Variants in SH3GL3 observed in about 807,000 individuals in gnomAD.
SH3GL3 encodes endophilin-A3.
Under a neutral mutation model 47.7 loss-of-function variants are expected in SH3GL3, and 33 were observed. The observed-to-expected ratio is 0.69, with a 90% confidence interval of 0.52 to 0.92. SH3GL3 has a LOEUF of 0.92. Among genes scored for constraint, SH3GL3 ranks in the 40% least tolerant of loss-of-function variants. The probability of loss-of-function intolerance (pLI) is 0.00; values close to 1 mark genes in which losing one functional copy is unlikely to be tolerated. For synonymous variants in SH3GL3, 155 were observed against 148.8 expected (o/e 1.04, Z -0.30); for missense variants, 363 against 417.8 (o/e 0.87, Z 1.14).
rs967294439 is a variant in SH3GL3 at position 83,457,959 on chromosome 15, A to G, written c.45+10381A>G. Among the ~76,000 whole-genome samples the G allele has an allele frequency of 2.6e-5, 4 of 152,098 alleles. No homozygotes were observed. In the East Asian group the frequency reaches 7.7e-4, roughly 29 times the overall value. On this transcript the variant is annotated intron_variant, in intron 1 of 8. Coordinates refer to ENST00000427482, the MANE Select transcript of SH3GL3 (RefSeq NM_003027.5). ...TTTGAAAGCAGGGATTTTTTTCCCTATTGCTTTAGTTTAATTTTTCAGCTT... is the reference window on the plus strand; with the variant it reads ...TTTGAAAGCAGGGATTTTTTTCCCTGTTGCTTTAGTTTAATTTTTCAGCTT...
intron 1 of SH3GL3, among the ~76,000 whole-genome samples, chr15:83,511,207 T>C (rs2042731630): frequency 6.6e-6 from 1 of 151,912 alleles, no homozygotes; most frequent in Non-Finnish European, 1.5e-5. Flanking sequence ...CTGTAGGTCC[T>C]GGGACCCCCA....
intron 1 of SH3GL3, among the ~76,000 whole-genome samples, chr15:83,490,052 G>A (rs915073106): frequency 4.6e-5 from 7 of 152,156 alleles, no homozygotes; most frequent in Non-Finnish European, 7.3e-5. Context: ...GAATCACATC[G>A]TTGGTGACAG....
chr15:83,537,371 T>C (rs1053693301), intron 1 of SH3GL3, among the ~76,000 whole-genome samples: 1 of 152,102 alleles, frequency 6.6e-6, no homozygotes, highest in Non-Finnish European at 1.5e-5. Context: ...TAATGGCTAA[T>C]ATTTAATGAG....
At chr15:83,574,557 T>C (rs1377625010) in intron 5 of SH3GL3, among the ~76,000 whole-genome samples, 1 of 152,118 alleles carries the variant, frequency 6.6e-6, no homozygotes, top group East Asian at 1.9e-4. Context: ...TGACCCCTGG[T>C]GTCACATCTC....
chr15:83,542,453 G>A (rs2044211320), intron 1 of SH3GL3, among the ~76,000 whole-genome samples: 1 of 152,064 alleles, frequency 6.6e-6, no homozygotes. Flanking sequence ...TGGCTATTCT[G>A]GGTCTTTTGT....
intron 1 of SH3GL3, among the ~76,000 whole-genome samples, chr15:83,517,205 C>CTTT (rs36096315): frequency 2.7e-5 from 3 of 109,688 alleles, no homozygotes; most frequent in Non-Finnish European, 3.8e-5. Flanking sequence ...CTTTTCTTTT[C>CTTT]TTTTTTTTTT....
intron 1 of SH3GL3, among the ~76,000 whole-genome samples, chr15:83,474,666 T>C (rs2041012022): frequency 6.6e-6 from 1 of 152,184 alleles, no homozygotes; most frequent in Admixed American, 6.5e-5. Context: ...ATGGTCTCTG[T>C]AGAGATAACT....
At position 83,618,308 on chromosome 15, in the gene SH3GL3, A is replaced by G. The variant is rs2060882908; in HGVS notation, c.*21A>G. ...AGTAAATGTGTAACACAAACTCTGG[A>G]CATACTTTCGTAACTGAAATGAATT... is the stretch of plus-strand genomic sequence containing the variant. On this transcript the variant is annotated 3_prime_UTR_variant, in exon 9 of 9. Coordinates refer to ENST00000427482, the MANE Select transcript of SH3GL3 (RefSeq NM_003027.5). 6.8e-7 allele frequency: 1 copy of G among 1,475,794 alleles called. No homozygotes were observed. The highest frequency in any genetic ancestry group is 9.5e-7 in the Non-Finnish European group (1 of 1,054,040). 91.4% of individuals were successfully genotyped at this position (1,475,794 alleles called of 1,614,324 possible).
At chr15:83,461,921 G>C (rs759088483) in intron 1 of SH3GL3, among the ~76,000 whole-genome samples, 1 of 152,090 alleles carries the variant, frequency 6.6e-6, no homozygotes, top group African/African-American at 2.4e-5. Context: ...TGGTAAAATT[G>C]GGATGACAGT....
chr15:83,522,435 G>A (rs1236716817), intron 1 of SH3GL3, among the ~76,000 whole-genome samples: 1 of 152,210 alleles, frequency 6.6e-6, no homozygotes, highest in Non-Finnish European at 1.5e-5. Context: ...TCTTCCGTAA[G>A]TGCTGGTGTG....
intron 1 of SH3GL3, among the ~76,000 whole-genome samples, chr15:83,489,549 G>A (rs144773750): frequency 3.9e-5 from 6 of 152,266 alleles, no homozygotes; most frequent in East Asian, 1.9e-4. Flanking sequence ...ATTTGCAAAC[G>A]ACATTATTCT....
chr15:83,588,536 A>G (rs2060009618), intron 7 of SH3GL3, 126 bp from the exon 8 acceptor site: 1 of 651,948 alleles, frequency 1.5e-6, no homozygotes, highest in Non-Finnish European at 2.8e-6. Flanking sequence ...GTCAGTGTGT[A>G]AAAATCGTCC....
intron 1 of SH3GL3, among the ~76,000 whole-genome samples, chr15:83,486,022 A>G (rs2151567630): frequency 6.6e-6 from 1 of 152,306 alleles, no homozygotes; most frequent in South Asian, 2.1e-4. Flanking sequence ...TTCAGTATGC[A>G]CATCTGAAAA....
At chr15:83,548,412 T>C (rs1442498692) in intron 1 of SH3GL3, among the ~76,000 whole-genome samples, 2 of 150,418 alleles carry the variant, frequency 1.3e-5, no homozygotes, top group East Asian at 3.9e-4. Context: ...TACATAAATG[T>C]GTATATATAT....
At chr15:83,533,634 A>G (rs1389217246) in intron 1 of SH3GL3, among the ~76,000 whole-genome samples, 1 of 152,066 alleles carries the variant, frequency 6.6e-6, no homozygotes, top group Non-Finnish European at 1.5e-5. Flanking sequence ...CTCCCCAGCT[A>G]GGGTTGGCCT....
At chr15:83,630,671 C>CA in the SH3GL3 span, among the ~76,000 whole-genome samples, 1 of 152,208 alleles carries the variant, frequency 6.6e-6, no homozygotes, top group South Asian at 2.1e-4. Flanking sequence ...TGTGAGAACT[C>CA]ACCATCATGA....
chr15:83,622,811 C>A (rs768210653), downstream of SH3GL3, among the ~76,000 whole-genome samples: 1 of 152,226 alleles, frequency 6.6e-6, no homozygotes, highest in Non-Finnish European at 1.5e-5. Flanking sequence ...GGCTCTAGTA[C>A]TCCTAATTCC....
chr15:83,547,766 T>C (rs2044475837), intron 1 of SH3GL3, among the ~76,000 whole-genome samples: 1 of 145,868 alleles, frequency 6.9e-6, no homozygotes, highest in Admixed American at 6.9e-5. Flanking sequence ...TAGCAGGATA[T>C]AGTGTAGCTT....
At chr15:83,491,066 G>A (rs138315637) in intron 1 of SH3GL3, among the ~76,000 whole-genome samples, 65 of 152,306 alleles carry the variant, frequency 4.3e-4, no homozygotes, top group South Asian at 1.0e-3. Context: ...AAGACCTAAG[G>A]TCTAATGTCT....
Sources: gnomAD v4.1 joint callset for allele counts (sites outside exome capture counted in the v4.1 genomes callset) on GRCh38, gnomAD v4.1.1 for gene constraint, MANE v1.5 for transcripts, NCBI Gene and HGNC (gene_info 2026-07-23, HGNC 2026-07-21) for gene names.